Variants in GALNT13 observed in about 807,000 individuals in gnomAD.
The protein encoded by GALNT13 is UDP-GalNAc:polypeptide N-acetylgalactosaminyltransferase 13.
GALNT13 carries 28 observed loss-of-function variants against 64.2 expected under a neutral mutation model. The observed-to-expected ratio is 0.44, with a 90% CI of 0.32 to 0.60. GALNT13 has a LOEUF of 0.60. GALNT13 is among the 20% of genes least tolerant of loss of function. The pLI, the probability that GALNT13 is intolerant of heterozygous loss-of-function variation, is 0.05. For missense variants in GALNT13, 577 were observed against 669.8 expected (o/e 0.86, Z 1.53); for synonymous variants, 214 against 224.6 (o/e 0.95, Z 0.42).
At chr2:153,813,454 A>G in the GALNT13 span, among the ~76,000 whole-genome samples, 1 of 152,168 alleles carries the variant, frequency 6.6e-6, no homozygotes, top group African/African-American at 2.4e-5. Flanking sequence ...CTAGAATCAG[A>G]AAGTAGCAGA....
intron 4 of GALNT13, among the ~76,000 whole-genome samples, chr2:154,149,343 G>A (rs1683829457): frequency 6.6e-6 from 1 of 152,156 alleles, no homozygotes; most frequent in Admixed American, 6.5e-5. Context: ...TTGTAGTATA[G>A]TTTGAAGTCA....
intron 8 of GALNT13, among the ~76,000 whole-genome samples, chr2:154,292,024 A>G (rs548404168): frequency 6.6e-6 from 1 of 152,274 alleles, no homozygotes; most frequent in Non-Finnish European, 1.5e-5. Context: ...CTTACCCCTC[A>G]GGAAGAAGCT....
intron 12 of GALNT13, chr2:154,446,720 T>C: frequency 6.5e-7 from 1 of 1,544,796 alleles, no homozygotes; most frequent in Non-Finnish European, 8.7e-7. Flanking sequence ...TTTTTAGAAA[T>C]ATTTTTGGGA....
At chr2:153,083,752 T>A in the GALNT13 span, among the ~76,000 whole-genome samples, 1 of 152,206 alleles carries the variant, frequency 6.6e-6, no homozygotes, top group Non-Finnish European at 1.5e-5. Flanking sequence ...TGAAGTCCCA[T>A]CTATTTACCT....
the GALNT13 span, among the ~76,000 whole-genome samples, chr2:153,508,292 T>C: frequency 6.6e-6 from 1 of 152,136 alleles, no homozygotes; most frequent in Non-Finnish European, 1.5e-5. Flanking sequence ...ATGTCCTTTG[T>C]CTTTGGCAAC....
chr2:154,414,330 T>C (rs1699913860), intron 11 of GALNT13, among the ~76,000 whole-genome samples: 2 of 152,014 alleles, frequency 1.3e-5, no homozygotes, highest in South Asian at 4.1e-4. Context: ...AGTGTTATTA[T>C]CTTATTTTAC....
At chr2:153,820,068 G>A in the GALNT13 span, among the ~76,000 whole-genome samples, 1 of 152,190 alleles carries the variant, frequency 6.6e-6, no homozygotes, top group Non-Finnish European at 1.5e-5. Context: ...AAGCTGATTA[G>A]AGCTACTGGA....
intron 1 of GALNT13, among the ~76,000 whole-genome samples, chr2:153,872,665 A>ACGT (rs1443993858): frequency 8.0e-5 from 11 of 137,798 alleles, no homozygotes; most frequent in African/African-American, 3.1e-4. Context: ...CGTTCTGGTG[A>ACGT]CGTTCCTCCG....
At chr2:153,166,649 G>GTGTGTGTGTGTT in the GALNT13 span, among the ~76,000 whole-genome samples, 6 of 151,432 alleles carry the variant, frequency 4.0e-5, no homozygotes, top group East Asian at 9.7e-4. Context: ...GTGTGTGTGT[G>GTGTGTGTGTGTT]TGTGTGTGTG....
At chr2:154,214,020 C>T (rs991289314) in intron 4 of GALNT13, among the ~76,000 whole-genome samples, 1 of 152,128 alleles carries the variant, frequency 6.6e-6, no homozygotes, top group African/African-American at 2.4e-5. Flanking sequence ...TGAGGTCCAC[C>T]TGCCTACTAG....
At chr2:153,415,755 C>A in the GALNT13 span, among the ~76,000 whole-genome samples, 1 of 152,012 alleles carries the variant, frequency 6.6e-6, no homozygotes, top group East Asian at 1.9e-4. Flanking sequence ...AAAATAGAAA[C>A]CTTTCTGTGC....
chr2:153,974,256 A>G (rs536435282), intron 3 of GALNT13, among the ~76,000 whole-genome samples: 31 of 152,232 alleles, frequency 2.0e-4, no homozygotes, highest in African/African-American at 7.5e-4. Flanking sequence ...CTGGCTAGAC[A>G]TAGTCTTAGC....
chr2:154,443,259 A>G (rs1701394280), intron 12 of GALNT13, among the ~76,000 whole-genome samples: 1 of 152,072 alleles, frequency 6.6e-6, no homozygotes, highest in Middle Eastern at 3.2e-3. Flanking sequence ...TTAGCGTCAT[A>G]TTTGTAGTTC....
At chr2:153,355,512 G>A in the GALNT13 span, among the ~76,000 whole-genome samples, 2 of 152,086 alleles carry the variant, frequency 1.3e-5, no homozygotes, top group Non-Finnish European at 1.5e-5. Flanking sequence ...CCAGCCCATG[G>A]CATAGTGTCT....
chr2:153,628,703 G>A, the GALNT13 span, among the ~76,000 whole-genome samples: 20 of 152,184 alleles, frequency 1.3e-4, no homozygotes, highest in East Asian at 2.5e-3. Flanking sequence ...AGCCCACTTG[G>A]TCATGGTGAA....
the GALNT13 span, among the ~76,000 whole-genome samples, chr2:153,630,842 A>G: frequency 2.0e-5 from 2 of 101,220 alleles, no homozygotes; most frequent in Non-Finnish European, 1.9e-5. Flanking sequence ...TTTAAGTTCT[A>G]GGGTACATGT....
chr2:153,825,683 T>C, the GALNT13 span, among the ~76,000 whole-genome samples: 1 of 150,732 alleles, frequency 6.6e-6, no homozygotes, highest in Non-Finnish European at 1.5e-5. Flanking sequence ...ACCTGAGTTT[T>C]GGGCAGGCCA....
At chr2:153,319,166 A>G in the GALNT13 span, among the ~76,000 whole-genome samples, 1 of 152,226 alleles carries the variant, frequency 6.6e-6, no homozygotes, top group Non-Finnish European at 1.5e-5. Flanking sequence ...TAAATTGCAA[A>G]CAATAATATT....
intron 1 of GALNT13, among the ~76,000 whole-genome samples, chr2:153,894,384 T>C (rs1231326109): frequency 6.6e-6 from 1 of 152,096 alleles, no homozygotes; most frequent in East Asian, 1.9e-4. Context: ...TACGCAGTGA[T>C]ATAAATTGGC....
Sources: allele counts gnomAD v4.1 joint callset (sites outside exome capture counted in the v4.1 genomes callset), GRCh38; gene constraint gnomAD v4.1.1; transcripts MANE v1.5; gene names NCBI Gene and HGNC (gene_info 2026-07-23, HGNC 2026-07-21).